TNS4: variants seen among roughly 807,000 people sequenced by gnomAD.
TNS4 encodes tensin 4, also known as tensin-4.
Under a neutral mutation model 70.4 loss-of-function variants are expected in TNS4, and 46 were observed. The ratio of observed to expected loss-of-function variants is 0.65; its 90% CI spans 0.52 to 0.84. The LOEUF (loss-of-function observed/expected upper bound fraction) is 0.84, where lower values mean the gene tolerates loss of function less well. TNS4 is among the 40% of genes least tolerant of loss of function. The pLI, the probability that TNS4 is intolerant of heterozygous loss-of-function variation, is 0.00. For missense variants in TNS4, 863 were observed against 907.0 expected (o/e 0.95, Z 0.62); for synonymous variants, 390 against 366.6 (o/e 1.06, Z -0.73).
rs3169906 is a variant in TNS4 at position 40,476,509 on chromosome 17, C to A, written c.*1079G>T. 5 of 151,002 alleles carry A rather than the reference C, an allele frequency of 3.3e-5. No homozygotes were observed. Among genetic ancestry groups the A allele is most frequent in the African/African-American group, 7.4e-5 (3 of 40,780 alleles). The allele number at this position is 151,002 out of a possible 1,614,324, so 9.4% of individuals were successfully genotyped here. On this transcript the variant is annotated 3_prime_UTR_variant, in exon 13 of 13. Coordinates refer to ENST00000254051, the MANE Select transcript of TNS4 (RefSeq NM_032865.6). ...GAGAGATGGCCCTTATCTCTGCCCC[C>A]GCCGCCTAATATGCAACATTAGGGC...
chr17:40,496,474 C>T lies in TNS4; in HGVS notation c.-49G>A. 5.1e-6 allele frequency: 8 copies of T among 1,554,274 alleles called. No individual in the cohort carries two copies. The highest frequency in any genetic ancestry group is 6.9e-6 in the Non-Finnish European group (8 of 1,152,152). On this transcript the variant is annotated 5_prime_UTR_variant, in exon 2 of 13. Coordinates refer to ENST00000254051, the MANE Select transcript of TNS4 (RefSeq NM_032865.6). ...TTTACCTCTGGTCTTCAACCAGCCTCACTGACATCCCAGAGATCTCACTTG... is the reference window on the plus strand; with the variant it reads ...TTTACCTCTGGTCTTCAACCAGCCTTACTGACATCCCAGAGATCTCACTTG...
chr17:40,483,165 A>G (rs11078948), intron 6 of TNS4, among the ~76,000 whole-genome samples: 75,297 of 151,688 alleles, frequency 0.5, 19,599 homozygotes, highest in Non-Finnish European at 0.59. Context: ...CTGGTCTCGA[A>G]CTCCTGAGCT....
At position 40,477,554 on chromosome 17, in the gene TNS4, G is replaced by A. The variant is rs772949277; in HGVS notation, c.*34C>T. ...AGGGGGGCTCCTTAGCGAGCCCCTG[G>A]AGGTGTTGGTTAGGTGCACAGGCAG... On this transcript the variant is annotated 3_prime_UTR_variant, in exon 13 of 13. Coordinates refer to ENST00000254051, the MANE Select transcript of TNS4 (RefSeq NM_032865.6). The A allele has an allele frequency of 6.8e-6, 11 of 1,612,172 alleles. No homozygotes were observed. Among genetic ancestry groups the A allele is most frequent in the Middle Eastern group, 1.7e-4 (1 of 6,052 alleles).
At chr17:40,481,124 C>T (rs1454994886) in intron 8 of TNS4, among the ~76,000 whole-genome samples, 1 of 152,168 alleles carries the variant, frequency 6.6e-6, no homozygotes, top group South Asian at 2.1e-4. Context: ...ACCATCGCTC[C>T]TCTGGGGCTC....
At position 40,476,097 on chromosome 17, in the gene TNS4, GGA is replaced by G. The variant is rs1367737917; in HGVS notation, c.*1489_*1490del. ...GCAACTTTGGCAGGGCTGGCTGCTGGGAGGGGGCAGGCACTTGCTCCTCGTAG... is the reference window on the plus strand; with the variant it reads ...GCAACTTTGGCAGGGCTGGCTGCTGGGGGGGCAGGCACTTGCTCCTCGTAG... On this transcript the variant is annotated 3_prime_UTR_variant, in exon 13 of 13. Coordinates refer to ENST00000254051, the MANE Select transcript of TNS4 (RefSeq NM_032865.6). 2 of 152,146 alleles carry G rather than the reference GGA, an allele frequency of 1.3e-5. No individual in the cohort carries two copies. The highest frequency in any genetic ancestry group is 4.8e-5 in the African/African-American group (2 of 41,410). 9.4% of individuals were successfully genotyped at this position (152,146 alleles called of 1,614,324 possible). A position where few individuals can be genotyped will look rare whatever the true frequency, so the allele number is the denominator to read the frequency against.
At position 40,484,651 on chromosome 17, in the gene TNS4, G is replaced by A. The variant is rs565359644; in HGVS notation, c.1376-42C>T. On this transcript the variant is annotated intron_variant, in intron 5 of 12. Transcript: ENST00000254051. ...GTCAGAGATGGACACCGCCCCACCTGGACACCCTGTCCCCAGCCCCGTAGG... is the reference window on the plus strand; with the variant it reads ...GTCAGAGATGGACACCGCCCCACCTAGACACCCTGTCCCCAGCCCCGTAGG... The A allele has an allele frequency of 4.4e-6, 7 of 1,607,170 alleles. No homozygotes were observed. In the African/African-American group the frequency reaches 9.3e-5, roughly 21 times the overall value.
At chr17:40,491,336 G>A (rs918980116) in intron 2 of TNS4, among the ~76,000 whole-genome samples, 1 of 152,138 alleles carries the variant, frequency 6.6e-6, no homozygotes, top group Non-Finnish European at 1.5e-5. Flanking sequence ...GCTTGTATTA[G>A]CTCCTTTAAC....
At position 40,482,347 on chromosome 17, in the gene TNS4, C is replaced by A; in HGVS notation, c.1571G>T (p.Gly524Val). ...ACCAAAGTAGGGCTCCTCATCTGCT[C>A]CTTTGAGATGCACTCCTTTGGCAGA... is the stretch of plus-strand genomic sequence containing the variant. ...ESSAKGVHLKGADEEPYFGSL... is the reference protein window; with the variant it reads ...ESSAKGVHLKVADEEPYFGSL... Residue 524 changes from glycine to valine, a missense_variant, in exon 7 of 13, where the codon GGA (glycine) becomes GTA (valine). Physicochemically the swap from Gly to Val is moderately radical, Grantham distance 109. Coordinates refer to ENST00000254051, the MANE Select transcript of TNS4 (RefSeq NM_032865.6). 1.9e-6 allele frequency: 3 copies of A among 1,614,144 alleles called. No individual in the cohort carries two copies. Among genetic ancestry groups the A allele is most frequent in the Non-Finnish European group, 2.5e-6 (3 of 1,180,034 alleles).
chr17:40,483,988 G>A (rs1394607273), intron 6 of TNS4, among the ~76,000 whole-genome samples: 2 of 152,184 alleles, frequency 1.3e-5, no homozygotes, highest in African/African-American at 2.4e-5. Context: ...CTCACACAGT[G>A]CCTGGTGTGT....
chr17:40,479,994 A>T lies in TNS4; in HGVS notation c.1742-152T>A. On this transcript the variant is annotated intron_variant, in intron 9 of 12. Coordinates refer to ENST00000254051, the MANE Select transcript of TNS4 (RefSeq NM_032865.6). ...CCAACAGAAAGTGGGTGTGTGGGTG[A>T]TCACAGTTTGAGGCCAACCCCAGAG... The T allele has an allele frequency of 4.0e-6, 4 of 1,010,050 alleles. No individual in the cohort carries two copies. The South Asian group carries it at 6.9e-5, about 17-fold the overall frequency. The allele number at this position is 1,010,050 out of a possible 1,614,324, so 62.6% of individuals were successfully genotyped here.
chr17:40,478,433 A>G, intron 11 of TNS4, 100 bp from the exon 12 acceptor site: 11 of 1,213,968 alleles, frequency 9.1e-6, no homozygotes, highest in Non-Finnish European at 1.1e-5. Flanking sequence ...CCACCCCACC[A>G]TGCCCCACCC....
Position 40,476,165 on chromosome 17 carries a change from G to A in TNS4, c.*1423C>T, listed in dbSNP as rs1210450981. ...CTTCCCTGACCCTCCCTTCCACCCC[G>A]GTAGGGTGGTTTCCTTAGGAACTCA... On this transcript the variant is annotated 3_prime_UTR_variant, in exon 13 of 13. Transcript: ENST00000254051. 4 of 150,352 alleles carry A rather than the reference G, an allele frequency of 2.7e-5. No homozygotes were observed. Among genetic ancestry groups the A allele is most frequent in the Non-Finnish European group, 5.9e-5 (4 of 67,644 alleles). 9.3% of individuals were successfully genotyped at this position (150,352 alleles called of 1,614,324 possible).
rs1230175130 is a variant in TNS4 at position 40,476,086 on chromosome 17, G to T, written c.*1502C>A. The T allele has an allele frequency of 1.3e-5, 2 of 152,196 alleles. No homozygotes were observed. Among genetic ancestry groups the T allele is most frequent in the African/African-American group, 4.8e-5 (2 of 41,442 alleles). The allele number at this position is 152,196 out of a possible 1,614,324, so 9.4% of individuals were successfully genotyped here. ...CCAAAGATAATGCAACTTTGGCAGG[G>T]CTGGCTGCTGGGAGGGGGCAGGCAC... On this transcript the variant is annotated 3_prime_UTR_variant, in exon 13 of 13. Transcript: ENST00000254051.
intron 2 of TNS4, among the ~76,000 whole-genome samples, chr17:40,492,873 C>T (rs559080701): frequency 3.9e-4 from 60 of 152,034 alleles, no homozygotes; most frequent in Non-Finnish European, 6.8e-4. Flanking sequence ...GGTGAAACCC[C>T]GTCTCTACTA....
rs2290207 is a variant in TNS4 at position 40,484,492 on chromosome 17, C to T, written c.1493G>A (p.Ser498Asn). The T allele has an allele frequency of 0.25, 409,990 of 1,610,304 alleles. 54,576 individuals carry two copies. Among genetic ancestry groups the T allele is most frequent in the South Asian group, 0.4 (36,318 of 91,068 alleles). Reference sequence around the variant, plus strand: ...CAGAGACAGACGCATACCTGGTCGACTCTGAGCAGACGCGGGAACCTCCTG... The same window carrying T: ...CAGAGACAGACGCATACCTGGTCGATTCTGAGCAGACGCGGGAACCTCCTG... ...KVQEVPASAQSRPGEDSNDLI... is the reference protein window; with the variant it reads ...KVQEVPASAQNRPGEDSNDLI... The change falls in exon 6 of 13, where the codon AGT (serine) becomes AAT (asparagine). Residue 498 changes from serine to asparagine, a missense_variant. Physicochemically the swap from Ser to Asn is conservative, Grantham distance 46. Transcript: ENST00000254051.
chr17:40,496,703 T>A (rs1001154905), intron 1 of TNS4, among the ~76,000 whole-genome samples, 183 bp from the exon 2 acceptor site: 20 of 152,240 alleles, frequency 1.3e-4, no homozygotes, highest in African/African-American at 4.8e-4. Flanking sequence ...GTTAATTGAC[T>A]TCTCTGTGCC....
At position 40,476,105 on chromosome 17, in the gene TNS4, C is replaced by A. The variant is rs2035843870; in HGVS notation, c.*1483G>T. 2 of 152,114 alleles carry A rather than the reference C, an allele frequency of 1.3e-5. No individual in the cohort carries two copies. Among genetic ancestry groups the A allele is most frequent in the African/African-American group, 4.8e-5 (2 of 41,404 alleles). The allele number at this position is 152,114 out of a possible 1,614,324, so 9.4% of individuals were successfully genotyped here. On this transcript the variant is annotated 3_prime_UTR_variant, in exon 13 of 13. Coordinates refer to ENST00000254051, the MANE Select transcript of TNS4 (RefSeq NM_032865.6). ...GGCAGGGCTGGCTGCTGGGAGGGGG[C>A]AGGCACTTGCTCCTCGTAGAGCAAG...
At position 40,496,420 on chromosome 17, in the gene TNS4, G is replaced by A; in HGVS notation, c.6C>T (p.Ser2=). Residue 2 remains serine, a synonymous_variant, in exon 2 of 13, where the codon TCC becomes TCT. Transcript: ENST00000254051. The part of the protein sequence containing the change: M[S]QVMSSPLLAG... ...CCAGCAGTGGGCTGGACATCACCTGGGACATGGTGGGGGTGGTGACCTCTG... is the reference window on the plus strand; with the variant it reads ...CCAGCAGTGGGCTGGACATCACCTGAGACATGGTGGGGGTGGTGACCTCTG... 6.2e-7 allele frequency: 1 copy of A among 1,611,668 alleles called. No individual in the cohort carries two copies. Among genetic ancestry groups the A allele is most frequent in the East Asian group, 2.2e-5 (1 of 44,880 alleles).
At chr17:40,481,916 TA>T (rs753339074) in intron 8 of TNS4, among the ~76,000 whole-genome samples, 1 of 152,232 alleles carries the variant, frequency 6.6e-6, no homozygotes, top group Non-Finnish European at 1.5e-5. Context: ...ACAGCAATCC[TA>T]TAAGTAGGTA....
Sources: gnomAD v4.1 joint callset for allele counts (sites outside exome capture counted in the v4.1 genomes callset) on GRCh38, gnomAD v4.1.1 for gene constraint, MANE v1.5 for transcripts, NCBI Gene and HGNC (gene_info 2026-07-23, HGNC 2026-07-21) for gene names.